The following MYRIP variants were observed in gnomAD, a reference collection of about 807,000 sequenced individuals.
MYRIP encodes myosin VIIA and Rab interacting protein.
MYRIP carries 49 observed loss-of-function variants against 98.0 expected under a neutral mutation model. That is an observed-to-expected ratio of 0.50 (90% CI 0.40 to 0.63). The LOEUF is 0.63. MYRIP is among the 30% of genes least tolerant of loss of function. The pLI, the probability that MYRIP is intolerant of heterozygous loss-of-function variation, is 0.00. For synonymous variants in MYRIP, 404 were observed against 409.5 expected (o/e 0.99, Z 0.16); for missense variants, 1,004 against 1,058.2 (o/e 0.95, Z 0.71).
intron 9 of MYRIP, among the ~76,000 whole-genome samples, chr3:40,188,138 G>A (rs1046453210): frequency 2.0e-5 from 3 of 152,206 alleles, no homozygotes; most frequent in African/African-American, 7.2e-5. Context: ...GAACTGGGTT[G>A]CTGTTGAAAA....
chr3:40,036,316 A>AC (rs1947382808), intron 2 of MYRIP, among the ~76,000 whole-genome samples: 2 of 149,128 alleles, frequency 1.3e-5, no homozygotes, highest in East Asian at 3.9e-4. Flanking sequence ...AAAAAAAAAA[A>AC]AAAAAAAACT....
At chr3:39,920,838 T>C (rs1418405585) in intron 2 of MYRIP, among the ~76,000 whole-genome samples, 1 of 151,810 alleles carries the variant, frequency 6.6e-6, no homozygotes, top group Non-Finnish European at 1.5e-5. Context: ...TGAGGGAGAG[T>C]CTCCCTCCTG....
chr3:39,922,779 G>A (rs1944333919), intron 2 of MYRIP, among the ~76,000 whole-genome samples: 1 of 152,080 alleles, frequency 6.6e-6, no homozygotes, highest in South Asian at 2.1e-4. Flanking sequence ...TAATACAATA[G>A]TATACAAGTG....
intron 11 of MYRIP, among the ~76,000 whole-genome samples, chr3:40,221,283 C>T (rs541711820): frequency 6.6e-6 from 1 of 151,976 alleles, no homozygotes; most frequent in African/African-American, 2.4e-5. Context: ...ATCATTTGCT[C>T]AATCAGTAAA....
chr3:39,958,953 A>T (rs896986624), intron 2 of MYRIP, among the ~76,000 whole-genome samples: 4 of 152,210 alleles, frequency 2.6e-5, no homozygotes, highest in African/African-American at 9.7e-5. Context: ...CCATCAGAGA[A>T]ATGCAAATCA....
intron 3 of MYRIP, among the ~76,000 whole-genome samples, chr3:40,063,024 T>C (rs1049663469): frequency 2.0e-5 from 3 of 152,198 alleles, no homozygotes; most frequent in Non-Finnish European, 4.4e-5. Flanking sequence ...ATTTAGGAGA[T>C]GTTGGTGTGA....
chr3:39,850,973 G>GA (rs1197475144), intron 1 of MYRIP, among the ~76,000 whole-genome samples: 2 of 152,000 alleles, frequency 1.3e-5, no homozygotes, highest in African/African-American at 4.8e-5. Context: ...AGCAGACAGA[G>GA]AAAAAAACCC....
At chr3:40,215,859 C>A (rs894209952) in intron 11 of MYRIP, among the ~76,000 whole-genome samples, 2 of 152,216 alleles carry the variant, frequency 1.3e-5, no homozygotes, top group Non-Finnish European at 2.9e-5. Flanking sequence ...TCTTTCCCAA[C>A]TGTCTATTTA....
chr3:40,252,897 T>C (rs1953423963), intron 16 of MYRIP, among the ~76,000 whole-genome samples: 1 of 152,156 alleles, frequency 6.6e-6, no homozygotes, highest in South Asian at 2.1e-4. Context: ...ATTACCACCA[T>C]AGTTGGCCCA....
intron 2 of MYRIP, among the ~76,000 whole-genome samples, chr3:39,978,562 A>G (rs1286802038): frequency 6.6e-6 from 1 of 152,200 alleles, no homozygotes; most frequent in African/African-American, 2.4e-5. Context: ...TCCACCCAGG[A>G]TTATAATTCC....
In MYRIP at chr3:40,250,455, C is replaced by T; in HGVS notation, c.2384C>T (p.Thr795Ile). ...KQRTQVQTID[T>I]SRQQRRKLPA... The stretch of plus-strand genomic sequence containing the variant: ...TGTTTGTAGGTACAAACCATAGATA[C>T]ATCAAGGCAGCAAAGGAGGAAACTG... The change falls in exon 15 of 17, where the codon ACA becomes ATA. Residue 795 changes from threonine to isoleucine, a missense_variant. Coordinates refer to ENST00000302541, the MANE Select transcript of MYRIP (RefSeq NM_015460.4). The T allele has an allele frequency of 1.2e-6, 2 of 1,614,168 alleles. No individual in the cohort carries two copies. Among genetic ancestry groups the T allele is most frequent in the Non-Finnish European group, 1.7e-6 (2 of 1,180,022 alleles).
chr3:40,165,477 TG>T (rs1237246381), intron 5 of MYRIP, among the ~76,000 whole-genome samples: 1 of 152,206 alleles, frequency 6.6e-6, no homozygotes, highest in Non-Finnish European at 1.5e-5. Flanking sequence ...GATTTGCATG[TG>T]TTAAATAATA....
chr3:40,244,093 C>T (rs1310634800), intron 12 of MYRIP, among the ~76,000 whole-genome samples: 1 of 152,104 alleles, frequency 6.6e-6, no homozygotes, highest in Non-Finnish European at 1.5e-5. Flanking sequence ...GGCAAAACTC[C>T]ATCATGAGTC....
intron 2 of MYRIP, among the ~76,000 whole-genome samples, chr3:39,917,897 C>T (rs192758477): frequency 6.6e-5 from 10 of 152,012 alleles, no homozygotes; most frequent in Admixed American, 5.9e-4. Flanking sequence ...ACCTCCAAAA[C>T]TTCTCCACTT....
At chr3:40,050,018 A>G (rs1166418847) in intron 3 of MYRIP, among the ~76,000 whole-genome samples, 1 of 152,196 alleles carries the variant, frequency 6.6e-6, no homozygotes, top group Non-Finnish European at 1.5e-5. Flanking sequence ...AGGTTGGTTC[A>G]TGAGGTTTAA....
intron 1 of MYRIP, among the ~76,000 whole-genome samples, chr3:39,875,570 C>A (rs1356834663): frequency 2.0e-5 from 3 of 151,706 alleles, no homozygotes; most frequent in Admixed American, 6.6e-5. Flanking sequence ...CAAAGAACAT[C>A]TTTATTTCTG....
At chr3:40,192,328 C>CATATATAT (rs372192317) in intron 10 of MYRIP, among the ~76,000 whole-genome samples, 3 of 37,838 alleles carry the variant, frequency 7.9e-5, no homozygotes, top group African/African-American at 2.2e-4. Flanking sequence ...ATATATATGT[C>CATATATAT]ATATATATAT....
intron 2 of MYRIP, among the ~76,000 whole-genome samples, chr3:39,941,390 G>T (rs1944780443): frequency 6.6e-6 from 1 of 151,808 alleles, no homozygotes; most frequent in Non-Finnish European, 1.5e-5. Flanking sequence ...CCTCCTACTG[G>T]GCCCCACCTC....
intron 1 of MYRIP, among the ~76,000 whole-genome samples, chr3:39,876,649 T>C (rs1363023925): frequency 1.3e-5 from 2 of 151,874 alleles, no homozygotes; most frequent in Non-Finnish European, 2.9e-5. Context: ...TTCTTTTCTT[T>C]AAGAATGTTG....
Sources: allele counts gnomAD v4.1 joint callset (sites outside exome capture counted in the v4.1 genomes callset), GRCh38; gene constraint gnomAD v4.1.1; transcripts MANE v1.5; gene names NCBI Gene and HGNC (gene_info 2026-07-23, HGNC 2026-07-21).